Variants in ATP11A observed in about 807,000 individuals in gnomAD.
The protein encoded by ATP11A is phospholipid-transporting ATPase IH.
Under a neutral mutation model 154.4 loss-of-function variants are expected in ATP11A, and 81 were observed. The ratio of observed to expected loss-of-function variants is 0.52; its 90% CI spans 0.44 to 0.63. ATP11A has a LOEUF of 0.63. Among genes scored for constraint, ATP11A ranks in the 30% least tolerant of loss-of-function variants. The pLI, the probability that ATP11A is intolerant of heterozygous loss-of-function variation, is 0.00. For missense variants in ATP11A, 1,316 were observed against 1,474.3 expected, an observed-to-expected ratio of 0.89 and a Z score of 1.76; for synonymous variants, 623 against 585.9, an observed-to-expected ratio of 1.06 and a Z score of -0.91.
intron 1 of ATP11A, among the ~76,000 whole-genome samples, chr13:112,757,267 T>C (rs1037617198): frequency 6.6e-6 from 1 of 152,262 alleles, no homozygotes; most frequent in African/African-American, 2.4e-5. Context: ...TTCTGGCCTT[T>C]GTGTTCTCTC....
chr13:112,846,170 G>A (rs55814445), intron 17 of ATP11A, among the ~76,000 whole-genome samples: 78 of 152,252 alleles, frequency 5.1e-4, no homozygotes, highest in African/African-American at 1.7e-3. Flanking sequence ...TTGCTCAGCC[G>A]TGTTGAGCAT....
Position 112,862,048 on chromosome 13 carries a change from A to G in ATP11A, c.2856-392A>G, listed in dbSNP as rs74447797. ...CGTCACGTCAGGCGTAAGGTGTCAC[A>G]GCAGGCGTAAGGCATCACGTCAGGC... On this transcript the variant is annotated intron_variant, in intron 24 of 29. Transcript: ENST00000375645. Among the ~76,000 whole-genome samples, 202 of 144,732 alleles carry G rather than the reference A, an allele frequency of 1.4e-3. 3 individuals are homozygous for G. The East Asian group carries it at 0.036, about 26-fold the overall frequency. The allele number at this position is 144,732 out of a possible 152,430, so 94.9% of individuals were successfully genotyped here. A position where few individuals can be genotyped will look rare whatever the true frequency, so the allele number is the denominator to read the frequency against.
At chr13:112,851,521 C>T (rs2079766799) in intron 18 of ATP11A, 2 of 233,814 alleles carry the variant, frequency 8.6e-6, no homozygotes, top group Admixed American at 5.2e-5. Context: ...CTTACAAATT[C>T]TTTCTTCTTT....
intron 1 of ATP11A, among the ~76,000 whole-genome samples, chr13:112,777,994 C>T (rs971206013): frequency 6.6e-6 from 1 of 152,274 alleles, no homozygotes; most frequent in African/African-American, 2.4e-5. Context: ...TGTGCAGGCG[C>T]CTCTGTCTGG....
In ATP11A at chr13:112,873,579, T is replaced by C. The variant is rs2080615477; in HGVS notation, c.3064T>C (p.Leu1022=). 2.5e-6 allele frequency: 4 copies of C among 1,601,920 alleles called. No homozygotes were observed. Among genetic ancestry groups the C allele is most frequent in the South Asian group, 1.1e-5 (1 of 88,290 alleles). ...MVFTVTLKLA[L]DTHYWTWINH... Reference sequence around the variant, plus strand: ...CTTTTTTTTTTCCTTTTAGCTTGCATTGGACACACACTACTGGACTTGGAT... The same window carrying C: ...CTTTTTTTTTTCCTTTTAGCTTGCACTGGACACACACTACTGGACTTGGAT... The change falls in exon 27 of 30, where the codon TTG becomes CTG. Residue 1022 remains leucine, a synonymous_variant. Coordinates refer to ENST00000375645, the MANE Select transcript of ATP11A (RefSeq NM_015205.3).
At chr13:112,768,221 G>C (rs537015082) in intron 1 of ATP11A, among the ~76,000 whole-genome samples, 35 of 152,252 alleles carry the variant, frequency 2.3e-4, no homozygotes, top group Non-Finnish European at 4.6e-4. Flanking sequence ...AGCTACATGG[G>C]ACACAAGAGG....
intron 1 of ATP11A, among the ~76,000 whole-genome samples, chr13:112,758,399 ACACTT>A (rs2076890561): frequency 6.7e-6 from 1 of 148,666 alleles, no homozygotes; most frequent in Non-Finnish European, 1.5e-5. Flanking sequence ...GGATCAGTAA[ACACTT>A]CACATTTCTT....
At chr13:112,735,119 A>G (rs1890865621) in intron 1 of ATP11A, among the ~76,000 whole-genome samples, 1 of 152,226 alleles carries the variant, frequency 6.6e-6, no homozygotes, top group Non-Finnish European at 1.5e-5. Context: ...GAAGGTAAAA[A>G]AGGAAATCTC....
chr13:112,880,944 C>T (rs147372613), intron 29 of ATP11A: 14 of 991,830 alleles, frequency 1.4e-5, no homozygotes, highest in East Asian at 2.2e-4. Flanking sequence ...CCTGGTCTTT[C>T]GGGGGACACA....
In ATP11A at chr13:112,754,083, G is replaced by T. The variant is rs967550776; in HGVS notation, c.40-31052G>T. Reference sequence around the variant, plus strand: ...TCCCCAGTGTTTTGGGATTGAGGAGGGGTTCGGCTTCACTCTCTTCAGCGC... The same window carrying T: ...TCCCCAGTGTTTTGGGATTGAGGAGTGGTTCGGCTTCACTCTCTTCAGCGC... On this transcript the variant is annotated intron_variant, in intron 1 of 29. Coordinates refer to ENST00000375645, the MANE Select transcript of ATP11A (RefSeq NM_015205.3). The surrounding 1 kb of genome is among the most constrained non-coding windows in gnomAD (Gnocchi z 5.3). Among the ~76,000 whole-genome samples the T allele has an allele frequency of 1.3e-4, 20 of 152,188 alleles. No individual in the cohort carries two copies. Among genetic ancestry groups the T allele is most frequent in the African/African-American group, 4.6e-4 (19 of 41,446 alleles).
chr13:112,762,171 G>A (rs933260505), intron 1 of ATP11A, among the ~76,000 whole-genome samples: 1 of 152,222 alleles, frequency 6.6e-6, no homozygotes, highest in Admixed American at 6.5e-5. Flanking sequence ...GCTAACTGCA[G>A]ACCTCCCAAA....
Position 112,883,102 on chromosome 13 carries a change from G to T in ATP11A, c.*1236G>T, listed in dbSNP as rs924468999. ...TCATGTCCCCTTGTCCTGTCACCTC[G>T]TCCCCACGTCCCCTCGTCTCCTCAT... On this transcript the variant is annotated 3_prime_UTR_variant, in exon 30 of 30. Coordinates refer to ENST00000375645, the MANE Select transcript of ATP11A (RefSeq NM_015205.3). The T allele has an allele frequency of 2.3e-5, 6 of 264,660 alleles. No homozygotes were observed. In the Admixed American group the frequency reaches 3.0e-4, roughly 13 times the overall value. The allele number at this position is 264,660 out of a possible 1,614,324, so 16.4% of individuals were successfully genotyped here.
chr13:112,850,071 G>A (rs116224721), intron 17 of ATP11A, among the ~76,000 whole-genome samples: 1,876 of 152,300 alleles, frequency 0.012, 29 homozygotes, highest in African/African-American at 0.043. Context: ...CATGACAGCC[G>A]TTGACCCAGT....
At chr13:112,741,925 T>C (rs1310109933) in intron 1 of ATP11A, among the ~76,000 whole-genome samples, 2 of 152,006 alleles carry the variant, frequency 1.3e-5, no homozygotes, top group African/African-American at 2.4e-5. Flanking sequence ...TCTTCCTCCA[T>C]AGACTGCTCC....
At chr13:112,835,496 C>G (rs2079207951) in intron 15 of ATP11A, among the ~76,000 whole-genome samples, 1 of 152,250 alleles carries the variant, frequency 6.6e-6, no homozygotes, top group Non-Finnish European at 1.5e-5. Context: ...GGGGCCGCAA[C>G]TCACTGCCGT....
chr13:112,845,837 A>ACCAACCAGTCCAGTTGCCGGCACTAGCG (rs1566565127), intron 17 of ATP11A, among the ~76,000 whole-genome samples: 1 of 122,662 alleles, frequency 8.2e-6, no homozygotes, highest in Admixed American at 8.1e-5. Flanking sequence ...CGGCACTAGC[A>ACCAACCAGTCCAGTTGCCGGCACTAGCG]GTACTAACCA....
intron 1 of ATP11A, chr13:112,745,506 C>T (rs1265472906): frequency 1.3e-5 from 2 of 152,164 alleles, no homozygotes; most frequent in Admixed American, 1.3e-4. Context: ...GAGTACTAAG[C>T]TCTTACTGTG....
Position 112,831,561 on chromosome 13 carries a change from C to T in ATP11A, c.1395+13C>T. On this transcript the variant is annotated intron_variant, in intron 13 of 29. Coordinates refer to ENST00000375645, the MANE Select transcript of ATP11A (RefSeq NM_015205.3). ...CGTCAACGGGAGGGTAGGTGGCAGCCCCCACGCCGTCCAAGTGTGTGAGTG... is the reference window on the plus strand; with the variant it reads ...CGTCAACGGGAGGGTAGGTGGCAGCTCCCACGCCGTCCAAGTGTGTGAGTG... 6.2e-7 allele frequency: 1 copy of T among 1,612,234 alleles called. No homozygotes were observed. Among genetic ancestry groups the T allele is most frequent in the Non-Finnish European group, 8.5e-7 (1 of 1,178,744 alleles).
intron 24 of ATP11A, 115 bp downstream of exon 24, chr13:112,860,529 C>T (rs2080071399): frequency 6.5e-6 from 8 of 1,232,076 alleles, no homozygotes; most frequent in Admixed American, 2.1e-5. Context: ...AAGCATTCGG[C>T]ATCTGCTGAT....
Sources: gnomAD v4.1 joint callset for allele counts (sites outside exome capture counted in the v4.1 genomes callset) on GRCh38, gnomAD v4.1.1 for gene constraint, Gnocchi (gnomAD v3.1) non-coding constraint, MANE v1.5 for transcripts, NCBI Gene and HGNC (gene_info 2026-07-23, HGNC 2026-07-21) for gene names.